The following FAF1 variants were observed in gnomAD, a reference collection of about 807,000 sequenced individuals.
FAF1 encodes the protein Fas associated factor 1, also known as FAS-associated factor 1.
A neutral mutation model predicts 92.5 loss-of-function variants in FAF1; 25 were observed. The ratio of observed to expected loss-of-function variants is 0.27; its 90% CI spans 0.20 to 0.38. The LOEUF (loss-of-function observed/expected upper bound fraction) is 0.38, where lower values mean the gene tolerates loss of function less well. FAF1 is among the 10% of genes least tolerant of loss of function. The probability of loss-of-function intolerance (pLI) is 1.00; values close to 1 mark genes in which losing one functional copy is unlikely to be tolerated. For synonymous variants in FAF1, 234 were observed against 273.2 expected (o/e 0.86, Z 1.42); for missense variants, 636 against 793.3 (o/e 0.80, Z 2.38).
intron 7 of FAF1, among the ~76,000 whole-genome samples, chr1:50,691,946 G>A (rs11205759): frequency 0.02 from 3,042 of 152,302 alleles, 99 homozygotes; most frequent in African/African-American, 0.07. Flanking sequence ...AGCAGGCCAG[G>A]TGTGGTGGCT....
At chr1:50,928,580 G>A (rs191609608) in intron 1 of FAF1, among the ~76,000 whole-genome samples, 5 of 151,626 alleles carry the variant, frequency 3.3e-5, no homozygotes, top group African/African-American at 9.7e-5. Flanking sequence ...TCAAGAGTTC[G>A]AGACCAGCCT....
intron 2 of FAF1, among the ~76,000 whole-genome samples, chr1:50,848,341 G>GT (rs1158055295): frequency 6.6e-6 from 1 of 152,154 alleles, no homozygotes; most frequent in Non-Finnish European, 1.5e-5. Flanking sequence ...ATACAATGCC[G>GT]TATAGGGCTG....
At chr1:50,691,922 T>C (rs1425182571) in intron 7 of FAF1, among the ~76,000 whole-genome samples, 1 of 152,198 alleles carries the variant, frequency 6.6e-6, no homozygotes, top group Non-Finnish European at 1.5e-5. Flanking sequence ...TAAATTAAGC[T>C]AATTAACATA....
intron 1 of FAF1, among the ~76,000 whole-genome samples, chr1:50,953,743 CA>C (rs565143282): frequency 6.8e-6 from 1 of 146,510 alleles, no homozygotes. Context: ...CTGTCTCAAA[CA>C]AAAAAAAAGA....
At chr1:50,957,347 C>CTTTTTTTTTTT (rs1188286312) in intron 1 of FAF1, among the ~76,000 whole-genome samples, 3 of 104,244 alleles carry the variant, frequency 2.9e-5, no homozygotes, top group South Asian at 3.6e-4. Flanking sequence ...TTTTCATTTT[C>CTTTTTTTTTTT]TTTTTTTTTT....
intron 7 of FAF1, among the ~76,000 whole-genome samples, chr1:50,659,629 ACCTTCATGATCT>A (rs1469911642): frequency 6.6e-6 from 1 of 152,156 alleles, no homozygotes; most frequent in Non-Finnish European, 1.5e-5. Flanking sequence ...ATCATGCTGA[ACCTTCATGATCT>A]TTTCAATTCT....
At chr1:50,501,995 G>A (rs1646996176) in intron 15 of FAF1, among the ~76,000 whole-genome samples, 1 of 152,140 alleles carries the variant, frequency 6.6e-6, no homozygotes, top group African/African-American at 2.4e-5. Context: ...AAAAAATTGT[G>A]AAAAATATAA....
At chr1:50,621,470 G>C (rs1653206720) in intron 8 of FAF1, among the ~76,000 whole-genome samples, 1 of 134,726 alleles carries the variant, frequency 7.4e-6, no homozygotes. Flanking sequence ...CGGGATCTCA[G>C]CTCACTGCAA....
intron 13 of FAF1, among the ~76,000 whole-genome samples, chr1:50,556,091 A>G (rs1262157312): frequency 6.6e-6 from 1 of 151,934 alleles, no homozygotes; most frequent in Non-Finnish European, 1.5e-5. Flanking sequence ...ACAAAAAATT[A>G]GCTGGGCTTG....
chr1:50,441,560 A>G (rs2148971894), intron 18 of FAF1, 37 bp from the exon 19 acceptor site: 1 of 1,277,318 alleles, frequency 7.8e-7, no homozygotes, highest in East Asian at 2.6e-5. Context: ...AAAGACTGAA[A>G]CAAGCACTAT....
At chr1:50,663,299 AC>A (rs1335377212) in intron 7 of FAF1, among the ~76,000 whole-genome samples, 3 of 151,672 alleles carry the variant, frequency 2.0e-5, no homozygotes, top group Non-Finnish European at 4.4e-5. Context: ...CCCACCACAG[AC>A]CTAGTGTATA....
intron 8 of FAF1, among the ~76,000 whole-genome samples, chr1:50,650,339 G>A (rs1191518466): frequency 6.6e-6 from 1 of 151,468 alleles, no homozygotes; most frequent in African/African-American, 2.4e-5. Context: ...CGGGCACAGT[G>A]GCTTAGGCTT....
intron 8 of FAF1, among the ~76,000 whole-genome samples, chr1:50,602,238 T>C (rs941417719): frequency 1.3e-5 from 2 of 152,242 alleles, no homozygotes; most frequent in African/African-American, 4.8e-5. Context: ...ACAATTAATA[T>C]GAGACATTTT....
chr1:50,871,283 G>A (rs1644526168), intron 1 of FAF1, among the ~76,000 whole-genome samples: 1 of 152,244 alleles, frequency 6.6e-6, no homozygotes, highest in Non-Finnish European at 1.5e-5. Flanking sequence ...AGAAGCTGTA[G>A]TAAGTTTTAT....
intron 7 of FAF1, among the ~76,000 whole-genome samples, chr1:50,678,614 T>C (rs1408222859): frequency 6.6e-6 from 1 of 151,256 alleles, no homozygotes; most frequent in Non-Finnish European, 1.5e-5. Context: ...ACCCCGTCTC[T>C]ACTAAAAATA....
In FAF1 at chr1:50,539,728, T is replaced by A; in HGVS notation, c.1269A>T (p.Arg423Ser). ...AGTGTCTATTGCACATAGTGAGAAA[T>A]CTAAAAGGAGACAAAATACAAAGTA... ...WDLTKDSNRARFLTMCNRHFG... is the reference protein window; with the variant it reads ...WDLTKDSNRASFLTMCNRHFG... The change falls in exon 14 of 19, where the codon AGA becomes AGT. Residue 423 changes from arginine to serine, a missense_variant and splice_region_variant. Physicochemically the swap from Arg to Ser is moderately radical, Grantham distance 110. Coordinates refer to ENST00000396153, the MANE Select transcript of FAF1 (RefSeq NM_007051.3). The A allele has an allele frequency of 6.2e-7, 1 of 1,607,340 alleles. No homozygotes were observed. The highest frequency in any genetic ancestry group is 8.5e-7 in the Non-Finnish European group (1 of 1,176,384).
chr1:50,476,485 G>A (rs1231820931), intron 17 of FAF1, among the ~76,000 whole-genome samples: 1 of 152,178 alleles, frequency 6.6e-6, no homozygotes, highest in Non-Finnish European at 1.5e-5. Flanking sequence ...CTCATGGCTA[G>A]CGTGGGCTTG....
At chr1:50,926,046 T>G (rs995147268) in intron 1 of FAF1, among the ~76,000 whole-genome samples, 1 of 152,144 alleles carries the variant, frequency 6.6e-6, no homozygotes, top group South Asian at 2.1e-4. Flanking sequence ...CAATACCCCA[T>G]CTCTATAAAA....
At chr1:50,901,570 T>C (rs980804712) in intron 1 of FAF1, among the ~76,000 whole-genome samples, 4 of 151,206 alleles carry the variant, frequency 2.6e-5, no homozygotes, top group Non-Finnish European at 1.5e-5. Context: ...AAAAAAAAAC[T>C]GTTGGCTGGC....
Sources: gnomAD v4.1 joint callset for allele counts (sites outside exome capture counted in the v4.1 genomes callset) on GRCh38, gnomAD v4.1.1 for gene constraint, MANE v1.5 for transcripts, NCBI Gene and HGNC (gene_info 2026-07-23, HGNC 2026-07-21) for gene names.